The following NEXMIF variants were observed in gnomAD, a reference collection of about 807,000 sequenced individuals.
The protein encoded by NEXMIF is XLMR protein related to neurite extension.
NEXMIF carries 8 observed loss-of-function variants against 62.1 expected under a neutral mutation model. That is an observed-to-expected ratio of 0.13 (90% CI 0.08 to 0.23). The LOEUF is 0.23. NEXMIF is among the 10% of genes least tolerant of loss of function. NEXMIF has a pLI of 1.00. For missense variants in NEXMIF, 976 were observed against 1,113.3 expected, an observed-to-expected ratio of 0.88 and a Z score of 1.75; for synonymous variants, 404 against 416.6, an observed-to-expected ratio of 0.97 and a Z score of 0.37.
chrX:74,872,557 A>G (rs2080606266), intron 1 of NEXMIF, among the ~76,000 whole-genome samples: 1 of 109,929 alleles, frequency 9.1e-6, no homozygotes, highest in Non-Finnish European at 1.9e-5. Flanking sequence ...GTAATTTACT[A>G]TAGTCACTTA....
intron 1 of NEXMIF, among the ~76,000 whole-genome samples, chrX:74,887,172 G>A (rs1421480476): frequency 9.0e-6 from 1 of 111,607 alleles, no homozygotes; most frequent in East Asian, 2.8e-4. Context: ...AAGACTTACA[G>A]GTTAGACCTA....
intron 1 of NEXMIF, among the ~76,000 whole-genome samples, chrX:74,888,530 C>T (rs368497540): frequency 2.5e-4 from 27 of 109,282 alleles, no homozygotes; most frequent in African/African-American, 8.3e-4. Flanking sequence ...CATCACACAC[C>T]GGGGCATGTT....
chrX:74,789,561 CA>C (rs1232138817), intron 1 of NEXMIF, among the ~76,000 whole-genome samples: 2 of 111,331 alleles, frequency 1.8e-5, no homozygotes, highest in Non-Finnish European at 1.9e-5. Context: ...CTGACTTCCA[CA>C]ATGGTTGAAC....
intron 1 of NEXMIF, among the ~76,000 whole-genome samples, chrX:74,789,935 C>T (rs1235711562): frequency 1.9e-5 from 2 of 105,882 alleles, no homozygotes; most frequent in African/African-American, 6.8e-5. Context: ...TGCCTGTTCA[C>T]TCTGATGGTA....
intron 1 of NEXMIF, among the ~76,000 whole-genome samples, chrX:74,806,600 C>T (rs936170680): frequency 9.0e-6 from 1 of 111,567 alleles, no homozygotes; most frequent in African/African-American, 3.3e-5. Flanking sequence ...AAAAACTAAT[C>T]AAAAAAATAA....
At chrX:74,792,898 C>G (rs1244608406) in intron 1 of NEXMIF, among the ~76,000 whole-genome samples, 1 of 104,486 alleles carries the variant, frequency 9.6e-6, no homozygotes, top group Non-Finnish European at 2.0e-5. Context: ...TTCCTGAATA[C>G]AGTACACTGA....
intron 1 of NEXMIF, among the ~76,000 whole-genome samples, chrX:74,822,466 T>C (rs761965801): frequency 2.9e-3 from 326 of 112,321 alleles, no homozygotes; most frequent in African/African-American, 9.7e-3. Context: ...TCACAGAATG[T>C]AATAAGGTAT....
At chrX:74,823,344 G>A (rs1032672778) in intron 1 of NEXMIF, among the ~76,000 whole-genome samples, 7 of 111,372 alleles carry the variant, frequency 6.3e-5, no homozygotes, top group African/African-American at 2.3e-4. Context: ...CGAGTGAATT[G>A]TATAGTATGC....
Position 74,745,584 on chromosome X carries a change from C to T in NEXMIF, c.67G>A (p.Val23Ile), listed in dbSNP as rs766451802. 1.7e-6 allele frequency: 2 copies of T among 1,189,742 alleles called. No homozygotes were observed. The highest frequency in any genetic ancestry group is 5.9e-5 in the East Asian group (2 of 33,720). The change falls in exon 2 of 4, where the codon GTC (valine) becomes ATC (isoleucine). Residue 23 changes from valine to isoleucine, a missense_variant. Coordinates refer to ENST00000055682, the MANE Select transcript of NEXMIF (RefSeq NM_001008537.3). ...TAAATTCCCTTACCATTTTCTTTGA[C>T]CCCATTAATCAGAGTGTTTTCTCCG... ...ANGENTLING[V>I]KENDSEDQDV... is the part of the protein sequence containing the mutation.
chrX:74,897,238 G>A (rs1240351135), intron 1 of NEXMIF, among the ~76,000 whole-genome samples: 1 of 111,702 alleles, frequency 9.0e-6, no homozygotes, highest in Non-Finnish European at 1.9e-5. Flanking sequence ...AACTCATATG[G>A]TGACTTTGGA....
intron 2 of NEXMIF, 53 bp from the exon 3 acceptor site, chrX:74,744,530 A>T: frequency 1.1e-6 from 1 of 875,869 alleles, no homozygotes; most frequent in South Asian, 2.8e-5. Context: ...CTTAGACCAG[A>T]CTCATTAACT....
At chrX:74,882,220 C>T (rs376360144) in intron 1 of NEXMIF, among the ~76,000 whole-genome samples, 14 of 112,085 alleles carry the variant, frequency 1.2e-4, no homozygotes, top group East Asian at 2.8e-4. Flanking sequence ...CCAGCGTGAG[C>T]GACGCAGAAG....
chrX:74,901,539 G>A (rs1602272153), intron 1 of NEXMIF, among the ~76,000 whole-genome samples: 1 of 111,726 alleles, frequency 9.0e-6, no homozygotes, highest in Middle Eastern at 4.6e-3. Context: ...ACATCTTTCA[G>A]TTCCAGAGAA....
At chrX:74,789,760 G>A (rs1319110748) in intron 1 of NEXMIF, among the ~76,000 whole-genome samples, 2 of 109,121 alleles carry the variant, frequency 1.8e-5, no homozygotes, top group African/African-American at 6.7e-5. Context: ...TTTTTTGGCT[G>A]CATAAATGTC....
chrX:74,876,106 C>T (rs1193506917), intron 1 of NEXMIF, among the ~76,000 whole-genome samples: 1 of 110,968 alleles, frequency 9.0e-6, no homozygotes, highest in African/African-American at 3.3e-5. Flanking sequence ...TGGATCTTTC[C>T]TGCTTTCTCT....
Position 74,857,310 on chromosome X carries a change from T to C in NEXMIF, c.-48+67573A>G, listed in dbSNP as rs749409819. 3.6e-5 allele frequency among the ~76,000 whole-genome samples: 4 copies of C among 112,295 alleles called. No individual in the cohort carries two copies. In the East Asian group the frequency reaches 1.1e-3, roughly 32 times the overall value. ...AGTAAAGAAGACTTGGTCTTGCATC[T>C]TGGCTCCCTGCTCAGCCAAAGCAGA... On this transcript the variant is annotated intron_variant, in intron 1 of 3. Transcript: ENST00000055682.
At chrX:74,787,552 T>A (rs2080265109) in intron 1 of NEXMIF, among the ~76,000 whole-genome samples, 1 of 112,028 alleles carries the variant, frequency 8.9e-6, no homozygotes, top group African/African-American at 3.2e-5. Context: ...ATGTGTCACA[T>A]GACAGATGCC....
At chrX:74,848,458 G>C (rs1474267360) in intron 1 of NEXMIF, among the ~76,000 whole-genome samples, 1 of 112,532 alleles carries the variant, frequency 8.9e-6, no homozygotes, top group South Asian at 3.7e-4. Flanking sequence ...AGGCCAGACT[G>C]TAAAATCAAA....
At chrX:74,827,351 C>T (rs934232094) in intron 1 of NEXMIF, among the ~76,000 whole-genome samples, 1 of 111,804 alleles carries the variant, frequency 8.9e-6, no homozygotes, top group African/African-American at 3.2e-5. Flanking sequence ...ACCTCACTAC[C>T]ACCTTCTAAT....
Sources: allele counts gnomAD v4.1 joint callset (sites outside exome capture counted in the v4.1 genomes callset), GRCh38; gene constraint gnomAD v4.1.1; transcripts MANE v1.5; gene names NCBI Gene and HGNC (gene_info 2026-07-23, HGNC 2026-07-21).